DLAT: variants seen among roughly 807,000 people sequenced by gnomAD.
DLAT encodes the protein dihydrolipoamide S-acetyltransferase.
DLAT carries 43 observed loss-of-function variants against 68.0 expected under a neutral mutation model. The observed-to-expected ratio is 0.63, with a 90% CI of 0.50 to 0.81. The LOEUF (loss-of-function observed/expected upper bound fraction) is 0.81. Among genes scored for constraint, DLAT ranks in the 40% least tolerant of loss-of-function variants. DLAT has a pLI of 0.00. For synonymous variants in DLAT, 265 were observed against 288.6 expected (o/e 0.92, Z 0.83); for missense variants, 745 against 815.4 (o/e 0.91, Z 1.05).
Position 112,025,558 on chromosome 11 carries a change from C to T in DLAT, c.86C>T (p.Pro29Leu), listed in dbSNP as rs782230511. 3.1e-6 allele frequency: 5 copies of T among 1,613,968 alleles called. No individual in the cohort carries two copies. The highest frequency in any genetic ancestry group is 3.4e-6 in the Non-Finnish European group (4 of 1,179,982). Residue 29 changes from proline (P) to leucine (L), a missense_variant, in exon 1 of 14, where the codon CCC becomes CTC. Transcript: ENST00000280346. Reference sequence around the variant, plus strand: ...CGGTGGACGGCCTTGCAGGAGGTACCCGGAACTCCACGAGTGACCTCGCGA... The same window carrying T: ...CGGTGGACGGCCTTGCAGGAGGTACTCGGAACTCCACGAGTGACCTCGCGA... The part of the protein sequence containing the change: ...EARWTALQEV[P>L]GTPRVTSRSG...
intron 10 of DLAT, among the ~76,000 whole-genome samples, chr11:112,048,233 G>A (rs781973585): frequency 1.3e-5 from 2 of 152,034 alleles, no homozygotes; most frequent in Non-Finnish European, 2.9e-5. Context: ...TATAGCAATT[G>A]TGAATAGGAA....
In DLAT at chr11:112,059,984, A is replaced by G; in HGVS notation, c.1596A>G (p.Lys532=). 2 of 1,614,052 alleles carry G rather than the reference A, an allele frequency of 1.2e-6. No individual in the cohort carries two copies. The highest frequency in any genetic ancestry group is 1.7e-6 in the Non-Finnish European group (2 of 1,179,954). Residue 532 remains lysine (K), a synonymous_variant, in exon 12 of 14, where the codon AAA becomes AAG. Transcript: ENST00000280346. ...CTATTGTGTTTAATGCACATATAAA[A>G]GGAGTGGAAACCATTGCTAATGATG... is the stretch of plus-strand genomic sequence containing the variant. The part of the protein sequence containing the change: ...ITPIVFNAHI[K]GVETIANDVV...
At chr11:112,039,538 G>T in intron 7 of DLAT, 141 bp downstream of exon 7, 1 of 905,394 alleles carries the variant, frequency 1.1e-6, no homozygotes, top group Non-Finnish European at 1.7e-6. Context: ...CTTCAGAAGG[G>T]AGAAATAGTT....
intron 11 of DLAT, among the ~76,000 whole-genome samples, chr11:112,053,159 T>TA (rs1863762428): frequency 6.6e-6 from 1 of 152,012 alleles, no homozygotes; most frequent in African/African-American, 2.4e-5. Context: ...CCATCTCTAC[T>TA]AAAAATACAA....
intron 11 of DLAT, among the ~76,000 whole-genome samples, chr11:112,056,885 G>T (rs142966544): frequency 6.5e-4 from 99 of 152,206 alleles, no homozygotes; most frequent in African/African-American, 2.2e-3. Context: ...AGAGTATCTC[G>T]CTTTATTGCA....
At chr11:112,050,249 A>G (rs1863536432) in intron 10 of DLAT, among the ~76,000 whole-genome samples, 1 of 151,744 alleles carries the variant, frequency 6.6e-6, no homozygotes, top group South Asian at 2.1e-4. Context: ...TCCTTTTTAT[A>G]TATTGCTGGA....
At chr11:112,057,484 T>A (rs1864168815) in intron 11 of DLAT, among the ~76,000 whole-genome samples, 1 of 152,244 alleles carries the variant, frequency 6.6e-6, no homozygotes, top group Non-Finnish European at 1.5e-5. Flanking sequence ...AGTACTATCC[T>A]GGTGAACACA....
chr11:112,046,200 G>C (rs1428547015), intron 10 of DLAT, among the ~76,000 whole-genome samples: 2 of 152,076 alleles, frequency 1.3e-5, no homozygotes, highest in African/African-American at 2.4e-5. Flanking sequence ...CTAGTCTAAG[G>C]TCATGAAGAT....
At chr11:112,030,588 A>T (rs782543805) in intron 4 of DLAT, among the ~76,000 whole-genome samples, 6 of 152,364 alleles carry the variant, frequency 3.9e-5, no homozygotes, top group African/African-American at 7.2e-5. Context: ...TGTAAGATAC[A>T]CATATGTAAT....
rs587755451 is a variant in DLAT, at chr11:112,033,916, G to A, written c.787+386G>A. On this transcript the variant is annotated intron_variant, in intron 5 of 13. Transcript: ENST00000280346. Reference sequence around the variant, plus strand: ...TTTTTTAAATTTTTTGTAGAGATGGGGTCTCACTTTATTGCCCAGGCTGGT... The same window carrying A: ...TTTTTTAAATTTTTTGTAGAGATGGAGTCTCACTTTATTGCCCAGGCTGGT... 2.6e-5 allele frequency among the ~76,000 whole-genome samples: 4 copies of A among 152,100 alleles called. No homozygotes were observed. In the South Asian group the frequency reaches 8.3e-4, roughly 32 times the overall value.
chr11:112,031,959 G>A (rs1278078148), intron 4 of DLAT, among the ~76,000 whole-genome samples: 2 of 121,754 alleles, frequency 1.6e-5, no homozygotes, highest in African/African-American at 3.2e-5. Context: ...GTAGTGGCAC[G>A]ATCTTGGCTC....
At chr11:112,055,682 G>A (rs1333502381) in intron 11 of DLAT, among the ~76,000 whole-genome samples, 1 of 151,616 alleles carries the variant, frequency 6.6e-6, no homozygotes, top group Non-Finnish European at 1.5e-5. Context: ...GCTTTTAGAT[G>A]CATTCCTTTT....
intron 9 of DLAT, 78 bp downstream of exon 9, chr11:112,045,308 A>G: frequency 2.5e-6 from 3 of 1,184,544 alleles, no homozygotes; most frequent in Non-Finnish European, 2.5e-6. Flanking sequence ...AGTTTTTAAC[A>G]CATTAACAGA....
In DLAT at chr11:112,025,551, G is replaced by A. The variant is rs1326420479; in HGVS notation, c.79G>A (p.Glu27Lys). The change falls in exon 1 of 14, where the codon GAG (glutamate) becomes AAG (lysine). Residue 27 changes from glutamate (E) to lysine (K), a missense_variant. Coordinates refer to ENST00000280346, the MANE Select transcript of DLAT (RefSeq NM_001931.5). ...CGAGGCTCGGTGGACGGCCTTGCAGGAGGTACCCGGAACTCCACGAGTGAC... is the reference window on the plus strand; with the variant it reads ...CGAGGCTCGGTGGACGGCCTTGCAGAAGGTACCCGGAACTCCACGAGTGAC... ...GLEARWTALQEVPGTPRVTSR... is the reference protein window; with the variant it reads ...GLEARWTALQKVPGTPRVTSR... The A allele has an allele frequency of 1.2e-6, 2 of 1,613,984 alleles. No individual in the cohort carries two copies. The highest frequency in any genetic ancestry group is 8.5e-7 in the Non-Finnish European group (1 of 1,179,990).
chr11:112,055,848 CTTTTTTTTTTTTTTTTTTTTTTTTTT>C (rs71060212), intron 11 of DLAT, among the ~76,000 whole-genome samples: 2 of 31,988 alleles, frequency 6.3e-5, no homozygotes, highest in Non-Finnish European at 1.2e-4. Flanking sequence ...CATATAGACA[CTTTTTTTTTTTTTTTTTTTTTTTTTT>C]TTTTTTTTTT....
chr11:112,064,234 T>A lies in DLAT; in HGVS notation c.*1699T>A, dbSNP rs929422996. On this transcript the variant is annotated 3_prime_UTR_variant, in exon 14 of 14. Transcript: ENST00000280346. ...GTTCTGTTGTTCCCTTGAAAAAAAATAAAAACAGTTGCCTTCTAATAAACA... is the reference window on the plus strand; with the variant it reads ...GTTCTGTTGTTCCCTTGAAAAAAAAAAAAAACAGTTGCCTTCTAATAAACA... 25 of 1,550,204 alleles carry A rather than the reference T, an allele frequency of 1.6e-5. No individual in the cohort carries two copies. The highest frequency in any genetic ancestry group is 4.1e-5 in the Admixed American group (2 of 48,652).
chr11:112,026,063 C>A, intron 1 of DLAT, 135 bp from the exon 2 acceptor site: 1 of 818,574 alleles, frequency 1.2e-6, no homozygotes, highest in Non-Finnish European at 2.1e-6. Flanking sequence ...CAGGAACTCC[C>A]TTGGCATCCC....
chr11:112,037,333 A>G lies in DLAT; in HGVS notation c.848A>G (p.Asp283Gly). ...AKILVPEGTRDVPLGTPLCII... is the reference protein window; with the variant it reads ...AKILVPEGTRGVPLGTPLCII... ...ATCCTGGTCCCTGAAGGCACAAGAG[A>G]TGTCCCTCTAGGAACCCCACTCTGT... Residue 283 changes from aspartate (D) to glycine (G), a missense_variant, in exon 6 of 14, where the codon GAT (aspartate) becomes GGT (glycine). By Grantham distance (94) the Asp-to-Gly change is moderately conservative. Coordinates refer to ENST00000280346, the MANE Select transcript of DLAT (RefSeq NM_001931.5). 1 of 1,614,144 alleles carries G rather than the reference A, an allele frequency of 6.2e-7. No individual in the cohort carries two copies. Among genetic ancestry groups the G allele is most frequent in the Non-Finnish European group, 8.5e-7 (1 of 1,179,992 alleles).
At chr11:112,060,922 A>C in intron 12 of DLAT, 116 bp from the exon 13 acceptor site, 1 of 822,830 alleles carries the variant, frequency 1.2e-6, no homozygotes, top group Admixed American at 2.4e-5. Context: ...TATTCCATTC[A>C]GGCCTTTCTT....
Sources: gnomAD v4.1 joint callset for allele counts (sites outside exome capture counted in the v4.1 genomes callset) on GRCh38, gnomAD v4.1.1 for gene constraint, MANE v1.5 for transcripts, NCBI Gene and HGNC (gene_info 2026-07-23, HGNC 2026-07-21) for gene names.